The following ATG13 variants were observed in gnomAD, a reference collection of about 807,000 sequenced individuals.
ATG13 encodes autophagy related 13.
In ATG13, 23 loss-of-function variants were observed where a neutral mutation model predicts 65.5. That is an observed-to-expected ratio of 0.35 (90% CI 0.25 to 0.50). The LOEUF (loss-of-function observed/expected upper bound fraction) is 0.50. ATG13 is among the 20% of genes least tolerant of loss of function. The pLI is 0.98. For missense variants in ATG13, 566 were observed against 677.0 expected, an observed-to-expected ratio of 0.84 and a Z score of 1.82; for synonymous variants, 252 against 245.2, an observed-to-expected ratio of 1.03 and a Z score of -0.26.
Position 46,657,162 on chromosome 11 carries a change from C to T in ATG13, c.567C>T (p.Tyr189=), listed in dbSNP as rs1592064091. ...GCACCATCACTCTTTCTTGTGCTTA[C>T]AGAATTAACTTGGCATTCATGTCTA... ...PVGTITLSCA[Y]RINLAFMSTR... is the part of the protein sequence containing the mutation. Residue 189 remains tyrosine, a synonymous_variant, in exon 9 of 19, where the codon TAC becomes TAT. Coordinates refer to ENST00000683050, the MANE Select transcript of ATG13 (RefSeq NM_001346311.2). 4 of 1,614,046 alleles carry T rather than the reference C, an allele frequency of 2.5e-6. No individual in the cohort carries two copies. Among genetic ancestry groups the T allele is most frequent in the Non-Finnish European group, 3.4e-6 (4 of 1,179,956 alleles).
At chr11:46,620,459 G>A (rs953839592) in intron 1 of ATG13, among the ~76,000 whole-genome samples, 4 of 151,850 alleles carry the variant, frequency 2.6e-5, no homozygotes, top group Non-Finnish European at 5.9e-5. Flanking sequence ...GGATGAGAAT[G>A]TGAATTACCA....
intron 2 of ATG13, among the ~76,000 whole-genome samples, chr11:46,640,408 G>A (rs532061229): frequency 1.3e-5 from 2 of 152,324 alleles, no homozygotes; most frequent in South Asian, 4.1e-4. Flanking sequence ...GATATTTGCA[G>A]TATGTATATC....
At chr11:46,649,244 T>C (rs2058410079) in intron 6 of ATG13, 61 bp downstream of exon 6, 4 of 1,554,686 alleles carry the variant, frequency 2.6e-6, no homozygotes, top group Non-Finnish European at 1.8e-6. Flanking sequence ...GATGACATCA[T>C]GTGAAAAGCA....
intron 2 of ATG13, among the ~76,000 whole-genome samples, chr11:46,630,568 C>CTTTTT (rs35243801): frequency 0.093 from 11,155 of 120,336 alleles, 901 homozygotes; most frequent in South Asian, 0.16. Flanking sequence ...AAATTAGAGG[C>CTTTTT]TTTTTTTTTT....
intron 2 of ATG13, among the ~76,000 whole-genome samples, chr11:46,637,160 G>GA (rs2136090926): frequency 6.6e-6 from 1 of 152,310 alleles, no homozygotes; most frequent in African/African-American, 2.4e-5. Context: ...TGTTTTTGGT[G>GA]ATGGTTTTAC....
chr11:46,664,717 C>T, intron 12 of ATG13, 132 bp from the exon 13 acceptor site: 1 of 755,164 alleles, frequency 1.3e-6, no homozygotes, highest in Non-Finnish European at 2.3e-6. Context: ...CACGTCAGGC[C>T]CCCTGCACTG....
At chr11:46,649,240 A>G (rs756517897) in intron 6 of ATG13, 57 bp downstream of exon 6, 190 of 1,558,250 alleles carry the variant, frequency 1.2e-4, no homozygotes, top group Admixed American at 3.3e-4. Flanking sequence ...AGTAGATGAC[A>G]TCATGTGAAA....
chr11:46,660,882 T>A lies in ATG13; in HGVS notation c.789+1397T>A, dbSNP rs575221668. On this transcript the variant is annotated intron_variant, in intron 11 of 18. Transcript: ENST00000683050. The stretch of plus-strand genomic sequence containing the variant: ...TGCCACCATGCCCAGCTAATTTTTT[T>A]AATTTTCTGTAGAGATGGGGTTTTG... 9.2e-5 allele frequency among the ~76,000 whole-genome samples: 14 copies of A among 151,804 alleles called. No individual in the cohort carries two copies. In the South Asian group the frequency reaches 1.5e-3, roughly 16 times the overall value.
Position 46,645,430 on chromosome 11 carries a change from A to T in ATG13, c.150+11A>T. ...ACGGGTTCAGATTGGGTAAAATTCT[A>T]TTATTTACTAAGGTGTATACTGTAG... On this transcript the variant is annotated intron_variant, in intron 4 of 18. Transcript: ENST00000683050. 6.2e-7 allele frequency: 1 copy of T among 1,608,166 alleles called. No individual in the cohort carries two copies. The highest frequency in any genetic ancestry group is 8.5e-7 in the Non-Finnish European group (1 of 1,175,084).
intron 2 of ATG13, among the ~76,000 whole-genome samples, chr11:46,639,490 TTA>T (rs150950900): frequency 5.3e-5 from 8 of 150,354 alleles, no homozygotes; most frequent in East Asian, 1.9e-4. Flanking sequence ...AATTCTGTCT[TTA>T]TATATATATA....
intron 1 of ATG13, among the ~76,000 whole-genome samples, chr11:46,620,816 T>C (rs1378821079): frequency 6.6e-6 from 1 of 152,036 alleles, no homozygotes; most frequent in East Asian, 1.9e-4. Context: ...CATGGTTGAC[T>C]TAACAGGGTC....
chr11:46,666,137 A>G (rs2134181334), intron 14 of ATG13, among the ~76,000 whole-genome samples: 1 of 152,278 alleles, frequency 6.6e-6, no homozygotes, highest in African/African-American at 2.4e-5. Context: ...TGAAAGAGAA[A>G]AAGTGTAGAC....
At chr11:46,621,023 T>C (rs1386602983) in intron 1 of ATG13, 1 of 150,274 alleles carries the variant, frequency 6.7e-6, no homozygotes, top group Non-Finnish European at 1.5e-5. Context: ...ATTTTTTTCT[T>C]TTTTTTTTTG....
Position 46,657,507 on chromosome 11 carries a change from T to C in ATG13, c.597-17T>C, listed in dbSNP as rs752635152. 6.2e-7 allele frequency: 1 copy of C among 1,606,122 alleles called. No homozygotes were observed. Among genetic ancestry groups the C allele is most frequent in the Non-Finnish European group, 8.5e-7 (1 of 1,172,702 alleles). ...AGGCATTCTAACAAATACTGGAATC[T>C]GCTTATTGTATTACAGGCAATTTGA... On this transcript the variant is annotated splice_polypyrimidine_tract_variant and intron_variant, in intron 9 of 18. Coordinates refer to ENST00000683050, the MANE Select transcript of ATG13 (RefSeq NM_001346311.2).
Position 46,668,546 on chromosome 11 carries a change from G to T in ATG13, c.1299G>T (p.Lys433Asn), listed in dbSNP as rs267602895. 2.5e-6 allele frequency: 4 copies of T among 1,614,236 alleles called. No individual in the cohort carries two copies. Among genetic ancestry groups the T allele is most frequent in the Admixed American group, 3.3e-5 (2 of 60,024 alleles). Residue 433 changes from lysine (K) to asparagine (N), a missense_variant, in exon 16 of 19, where the codon AAG (lysine) becomes AAT (asparagine). By Grantham distance (94) the Lys-to-Asn change is moderately conservative. This residue lies in a region of ATG13 where 387 missense variants were observed against 409.8 expected (regional missense o/e 0.94). Coordinates refer to ENST00000683050, the MANE Select transcript of ATG13 (RefSeq NM_001346311.2). The stretch of plus-strand genomic sequence containing the variant: ...TACCCTTTGCCATGTTTGCTCCCAA[G>T]AATTTGGAGCTGGAGGATACCGATC... The part of the protein sequence containing the change: ...LDIPFAMFAP[K>N]NLELEDTDPM...
intron 6 of ATG13, among the ~76,000 whole-genome samples, 197 bp downstream of exon 6, chr11:46,649,380 A>T (rs2058439719): frequency 6.6e-6 from 1 of 152,258 alleles, no homozygotes; most frequent in Non-Finnish European, 1.5e-5. Context: ...AGGGAACATC[A>T]GTCCAGAGAG....
intron 12 of ATG13, 120 bp from the exon 13 acceptor site, chr11:46,664,729 G>T (rs1261106800): frequency 2.4e-6 from 2 of 833,146 alleles, no homozygotes; most frequent in East Asian, 4.9e-5. Context: ...CCTGCACTGT[G>T]GGCATGTGGG....
At chr11:46,645,442 G>A in intron 4 of ATG13, 23 bp downstream of exon 4, 4 of 1,585,584 alleles carry the variant, frequency 2.5e-6, no homozygotes, top group Non-Finnish European at 3.5e-6. Context: ...TATTTACTAA[G>A]GTGTATACTG....
At chr11:46,646,643 T>C (rs2057633002) in intron 5 of ATG13, among the ~76,000 whole-genome samples, 1 of 152,056 alleles carries the variant, frequency 6.6e-6, no homozygotes, top group Non-Finnish European at 1.5e-5. Flanking sequence ...TCTTTATTTT[T>C]AGTAGAGACA....
Sources: gnomAD v4.1 joint callset for allele counts (sites outside exome capture counted in the v4.1 genomes callset) on GRCh38, gnomAD v4.1.1 for gene constraint, gnomAD v4.1.1 regional missense constraint, MANE v1.5 for transcripts, NCBI Gene and HGNC (gene_info 2026-07-23, HGNC 2026-07-21) for gene names.